PTPRA: variants seen among roughly 807,000 people sequenced by gnomAD.
PTPRA encodes the protein protein tyrosine phosphatase receptor type A.
Under a neutral mutation model 104.8 loss-of-function variants are expected in PTPRA, and 25 were observed. That is an observed-to-expected ratio of 0.24 (90% CI 0.17 to 0.33). The LOEUF is 0.33. Among genes scored for constraint, PTPRA ranks in the 10% least tolerant of loss-of-function variants. The pLI, the probability that PTPRA is intolerant of heterozygous loss-of-function variation, is 1.00. For synonymous variants in PTPRA, 323 were observed against 368.9 expected (o/e 0.88, Z 1.43); for missense variants, 765 against 1,015.3 (o/e 0.75, Z 3.35).
intron 6 of PTPRA, among the ~76,000 whole-genome samples, chr20:2,985,233 T>C (rs1385420603): frequency 6.6e-6 from 1 of 152,192 alleles, no homozygotes. Context: ...AACAGAGCAC[T>C]GAGGGTGGGA....
At chr20:2,892,814 A>G (rs598147) in intron 1 of PTPRA, among the ~76,000 whole-genome samples, 101,922 of 152,158 alleles carry the variant, frequency 0.67, 35,593 homozygotes, top group East Asian at 0.86. Flanking sequence ...GTGGCAGCAG[A>G]ACTAAGTTCG....
intron 9 of PTPRA, among the ~76,000 whole-genome samples, chr20:3,001,429 C>T (rs2063619486): frequency 6.6e-6 from 1 of 152,154 alleles, no homozygotes; most frequent in Non-Finnish European, 1.5e-5. Flanking sequence ...CTTTGTTATT[C>T]CTGACATTTT....
chr20:3,017,874 C>T lies in PTPRA; in HGVS notation c.1002C>T (p.Ala334=). 6.2e-7 allele frequency: 1 copy of T among 1,614,192 alleles called. No individual in the cohort carries two copies. The highest frequency in any genetic ancestry group is 1.1e-5 in the South Asian group (1 of 91,086). The part of the protein sequence containing the change: ...FWRMIWEQNT[A]TIVMVTNLKE... ...GGATGATCTGGGAACAAAACACAGC[C>T]ACCATCGTCATGGTTACCAACCTGA... The change falls in exon 13 of 24, where the codon GCC becomes GCT. Residue 334 remains alanine (A), a synonymous_variant. Transcript: ENST00000399903.
At chr20:3,024,653 T>A (rs1313962840) in intron 17 of PTPRA, 32 bp downstream of exon 17, 1 of 1,611,624 alleles carries the variant, frequency 6.2e-7, no homozygotes, top group Admixed American at 1.7e-5. Flanking sequence ...TCCTTCAGAT[T>A]GAAGGATCCT....
chr20:3,033,168 C>A (rs959125842), intron 20 of PTPRA, among the ~76,000 whole-genome samples: 1 of 151,946 alleles, frequency 6.6e-6, no homozygotes, highest in Non-Finnish European at 1.5e-5. Context: ...TGCCAGGGAT[C>A]CTCAATCTGC....
In PTPRA at chr20:2,994,500, C is replaced by T. The variant is rs565231879; in HGVS notation, c.738+6026C>T. On this transcript the variant is annotated intron_variant, in intron 9 of 23. Transcript: ENST00000399903. ...ATTTTGAAATAGTCCCTTCCACTAGCATCTCACGCTGCTGAGGACAGCCAG... is the reference window on the plus strand; with the variant it reads ...ATTTTGAAATAGTCCCTTCCACTAGTATCTCACGCTGCTGAGGACAGCCAG... 1.4e-4 allele frequency among the ~76,000 whole-genome samples: 22 copies of T among 152,364 alleles called. No individual in the cohort carries two copies. The South Asian group carries it at 4.6e-3, about 32-fold the overall frequency.
At chr20:3,000,950 A>G (rs1234821329) in intron 9 of PTPRA, among the ~76,000 whole-genome samples, 1 of 152,226 alleles carries the variant, frequency 6.6e-6, no homozygotes, top group African/African-American at 2.4e-5. Context: ...TCTAAGTTAA[A>G]TTATGTGATG....
chr20:2,923,807 T>A (rs1207343260), intron 2 of PTPRA, among the ~76,000 whole-genome samples: 1 of 151,780 alleles, frequency 6.6e-6, no homozygotes, highest in Non-Finnish European at 1.5e-5. Flanking sequence ...CTCAAAAAAA[T>A]AAAAATAAAA....
chr20:3,010,736 G>A (rs1461165049), intron 11 of PTPRA, among the ~76,000 whole-genome samples: 2 of 152,188 alleles, frequency 1.3e-5, no homozygotes, highest in Admixed American at 1.3e-4. Flanking sequence ...GGCTTTTCAC[G>A]GAATCCTCCC....
intron 20 of PTPRA, among the ~76,000 whole-genome samples, chr20:3,034,466 G>C (rs2065698857): frequency 6.6e-6 from 1 of 152,090 alleles, no homozygotes; most frequent in South Asian, 2.1e-4. Context: ...GCAGTGTTGA[G>C]AAGGCACTGT....
Position 3,035,951 on chromosome 20 carries a change from ACCCTT to A in PTPRA, c.2198+11_2198+15del. 1 of 1,613,024 alleles carries A rather than the reference ACCCTT, an allele frequency of 6.2e-7. No homozygotes were observed. The highest frequency in any genetic ancestry group is 8.5e-7 in the Non-Finnish European group (1 of 1,179,900). On this transcript the variant is annotated intron_variant, in intron 22 of 23. Coordinates refer to ENST00000399903, the MANE Select transcript of PTPRA (RefSeq NM_001385305.1). This position sits in a 1 kb window ranked among gnomAD's most constrained non-coding sequence, Gnocchi z 5.8. ...TCACCGTGCACTGCAGGTATGGCTC[ACCCTT>A]GCCCTCAGCGGGAGAGAGAAAGCGA... is the stretch of plus-strand genomic sequence containing the variant.
intron 1 of PTPRA, among the ~76,000 whole-genome samples, chr20:2,889,863 T>G (rs2058729237): frequency 6.6e-6 from 1 of 152,108 alleles, no homozygotes; most frequent in Admixed American, 6.6e-5. Context: ...GGGGAATCCA[T>G]GTTCAGAGTT....
intron 6 of PTPRA, among the ~76,000 whole-genome samples, chr20:2,982,967 G>A (rs1466530695): frequency 6.6e-6 from 1 of 152,128 alleles, no homozygotes; most frequent in Non-Finnish European, 1.5e-5. Context: ...CAAAGTGCTG[G>A]GATTGCAGGC....
At chr20:2,970,088 T>G (rs1272399518) in intron 5 of PTPRA, among the ~76,000 whole-genome samples, 1 of 152,178 alleles carries the variant, frequency 6.6e-6, no homozygotes, top group African/African-American at 2.4e-5. Flanking sequence ...CTTTTTCAGT[T>G]ACCCTATCAT....
chr20:3,029,341 A>G (rs1282888616), intron 20 of PTPRA, among the ~76,000 whole-genome samples: 3 of 151,802 alleles, frequency 2.0e-5, no homozygotes, highest in Non-Finnish European at 2.9e-5. Flanking sequence ...GGGTTTCACC[A>G]TGTTGCCCAG....
the PTPRA span, chr20:2,864,515 C>G: frequency 6.2e-7 from 1 of 1,614,030 alleles, no homozygotes; most frequent in Non-Finnish European, 8.5e-7. The surrounding 1 kb of genome is among the most constrained non-coding windows in gnomAD (Gnocchi z 5.2). Flanking sequence ...TTGAGTTGGC[C>G]TTGCTGACTG....
At chr20:3,031,207 C>T (rs917277126) in intron 20 of PTPRA, among the ~76,000 whole-genome samples, 14 of 152,174 alleles carry the variant, frequency 9.2e-5, no homozygotes, top group South Asian at 4.2e-4. Context: ...TCACCATGTC[C>T]GCCTTAGACC....
chr20:2,864,272 G>C, the PTPRA span: 1 of 1,614,186 alleles, frequency 6.2e-7, no homozygotes, highest in South Asian at 1.1e-5. This position sits in a 1 kb window ranked among gnomAD's most constrained non-coding sequence, Gnocchi z 5.2. Context: ...CATCGAGAGC[G>C]GGGACACTGA....
At chr20:3,029,490 A>C (rs911097334) in intron 20 of PTPRA, among the ~76,000 whole-genome samples, 4 of 144,776 alleles carry the variant, frequency 2.8e-5, no homozygotes, top group Non-Finnish European at 6.0e-5. Context: ...TTCTTCCTAG[A>C]CTTGTATCAT....
Sources: allele counts gnomAD v4.1 joint callset (sites outside exome capture counted in the v4.1 genomes callset), GRCh38; gene constraint gnomAD v4.1.1; non-coding constraint Gnocchi (gnomAD v3.1); transcripts MANE v1.5; gene names NCBI Gene and HGNC (gene_info 2026-07-23, HGNC 2026-07-21).